Variants in THSD4 observed in about 807,000 individuals in gnomAD.
The protein encoded by THSD4 is thrombospondin type 1 domain containing 4.
Under a neutral mutation model 119.0 loss-of-function variants are expected in THSD4, and 69 were observed. That is an observed-to-expected ratio of 0.58 (90% CI 0.48 to 0.71). The LOEUF (loss-of-function observed/expected upper bound fraction) is 0.71, where lower values mean the gene tolerates loss of function less well. Among genes scored for constraint, THSD4 ranks in the 30% least tolerant of loss-of-function variants. The pLI is 0.00. For synonymous variants in THSD4, 524 were observed against 540.4 expected, an observed-to-expected ratio of 0.97 and a Z score of 0.42; for missense variants, 1,393 against 1,391.1, an observed-to-expected ratio of 1.00 and a Z score of -0.02.
chr15:71,654,695 T>G (rs890174952), intron 7 of THSD4, among the ~76,000 whole-genome samples: 10 of 152,246 alleles, frequency 6.6e-5, no homozygotes, highest in Admixed American at 5.9e-4. Context: ...TTTCCACGAA[T>G]TAGCTCACCG....
At chr15:71,149,992 C>A (rs2040704209) in intron 2 of THSD4, among the ~76,000 whole-genome samples, 1 of 147,300 alleles carries the variant, frequency 6.8e-6, no homozygotes, top group East Asian at 2.0e-4. Context: ...GATGGCATAA[C>A]TTTTTTTTTT....
intron 4 of THSD4, among the ~76,000 whole-genome samples, chr15:71,228,662 A>C (rs184239847): frequency 3.9e-5 from 6 of 152,316 alleles, no homozygotes; most frequent in African/African-American, 1.4e-4. Flanking sequence ...AGTAGGCTGC[A>C]GAGCAGGGAT....
intron 7 of THSD4, among the ~76,000 whole-genome samples, chr15:71,593,143 G>GAAACCCTCATGGGTGACCTTTTAAAA (rs1431398435): frequency 9.9e-4 from 6 of 6,066 alleles, no homozygotes; most frequent in Non-Finnish European, 3.4e-3. Context: ...AGAGCCTGTA[G>GAAACCCTCATGGGTGACCTTTTAAAA]GCCGGGCGCG....
intron 6 of THSD4, among the ~76,000 whole-genome samples, chr15:71,277,713 T>C (rs2044608754): frequency 6.6e-6 from 1 of 152,200 alleles, no homozygotes; most frequent in South Asian, 2.1e-4. Context: ...GGGAGACATT[T>C]CTGGGTTTTT....
At chr15:71,115,370 GT>G (rs2040348511), upstream of THSD4, 2 of 152,434 alleles carry the variant, frequency 1.3e-5, no homozygotes, top group African/African-American at 4.8e-5. This position sits in a 1 kb window ranked among gnomAD's most constrained non-coding sequence, Gnocchi z 4.4. Context: ...CCTTCCCGCG[GT>G]CGCCGCCAGG....
At chr15:71,621,360 A>T (rs1039173156) in intron 7 of THSD4, among the ~76,000 whole-genome samples, 4 of 152,174 alleles carry the variant, frequency 2.6e-5, no homozygotes, top group Non-Finnish European at 5.9e-5. Context: ...AGTTGCTAGG[A>T]CAGTTGTCCC....
chr15:71,595,664 A>G (rs1017783452), intron 7 of THSD4, among the ~76,000 whole-genome samples: 1 of 152,218 alleles, frequency 6.6e-6, no homozygotes, highest in Non-Finnish European at 1.5e-5. Flanking sequence ...ATGCAAGTCC[A>G]GGGGATGCAG....
intron 7 of THSD4, among the ~76,000 whole-genome samples, chr15:71,585,333 T>C (rs1370156555): frequency 1.3e-5 from 2 of 152,244 alleles, no homozygotes; most frequent in African/African-American, 4.8e-5. Context: ...AGGACAATTT[T>C]AGCAGATATA....
At chr15:71,635,695 A>AT (rs2050726047) in intron 7 of THSD4, among the ~76,000 whole-genome samples, 1 of 152,094 alleles carries the variant, frequency 6.6e-6, no homozygotes, top group Admixed American at 6.6e-5. Flanking sequence ...TCAAATACTA[A>AT]TTTTCTCCCA....
chr15:71,328,232 G>T (rs1392896197), intron 6 of THSD4, among the ~76,000 whole-genome samples: 2 of 152,122 alleles, frequency 1.3e-5, no homozygotes. Context: ...CAAGCCTTCC[G>T]TGTGAATGAT....
At chr15:71,365,496 T>C (rs2045949883) in intron 6 of THSD4, among the ~76,000 whole-genome samples, 1 of 152,034 alleles carries the variant, frequency 6.6e-6, no homozygotes, top group Non-Finnish European at 1.5e-5. Context: ...CTCCCAAAAA[T>C]AGCCATAAAC....
In THSD4 at chr15:71,195,767, G is replaced by A. The variant is rs142226933; in HGVS notation, c.100-19268G>A. Among the ~76,000 whole-genome samples, 1,240 of 152,242 alleles carry A rather than the reference G, an allele frequency of 8.1e-3. 13 individuals carry two copies. Among genetic ancestry groups the A allele is most frequent in the Non-Finnish European group, 0.012 (824 of 68,004 alleles). On this transcript the variant is annotated intron_variant, in intron 3 of 17. Coordinates refer to ENST00000261862, the MANE Select transcript of THSD4 (RefSeq NM_024817.3). ...GGGGTTGGGGGAAAGACTGGTGGCAGGGAGACCACCTGGGAGTCATAATAA... is the reference window on the plus strand; with the variant it reads ...GGGGTTGGGGGAAAGACTGGTGGCAAGGAGACCACCTGGGAGTCATAATAA...
chr15:71,133,987 G>C (rs778563337), intron 1 of THSD4, among the ~76,000 whole-genome samples: 18 of 152,216 alleles, frequency 1.2e-4, no homozygotes, highest in Non-Finnish European at 2.1e-4. Flanking sequence ...TAATGTGTTT[G>C]CTTGAAAGCT....
At chr15:71,308,876 A>G (rs1280309909) in intron 6 of THSD4, among the ~76,000 whole-genome samples, 1 of 152,166 alleles carries the variant, frequency 6.6e-6, no homozygotes, top group African/African-American at 2.4e-5. Context: ...GAGGGTTCCA[A>G]GTTTTCCACA....
intron 11 of THSD4, among the ~76,000 whole-genome samples, chr15:71,738,748 T>C (rs1042033704): frequency 4.6e-5 from 7 of 152,246 alleles, no homozygotes; most frequent in African/African-American, 1.7e-4. Flanking sequence ...GGGTTTTTAC[T>C]GGGGTCTCTC....
chr15:71,740,818 C>G (rs1367412457), intron 11 of THSD4, among the ~76,000 whole-genome samples: 1 of 152,180 alleles, frequency 6.6e-6, no homozygotes, highest in African/African-American at 2.4e-5. Flanking sequence ...AAGTCCTGCT[C>G]GTACTCCAAG....
chr15:71,103,287 C>G (rs1033493265), intron 1 of THSD4, among the ~76,000 whole-genome samples: 61 of 152,122 alleles, frequency 4.0e-4, no homozygotes, highest in African/African-American at 1.4e-3. Context: ...GTGTGTGCCA[C>G]CCAGTGGCCA....
chr15:71,450,475 C>T (rs977283236), intron 7 of THSD4, among the ~76,000 whole-genome samples: 2 of 152,212 alleles, frequency 1.3e-5, no homozygotes, highest in Non-Finnish European at 2.9e-5. Context: ...CATCCAGCTT[C>T]TATCACTTAC....
At position 71,738,767 on chromosome 15, in the gene THSD4, A is replaced by G. The variant is rs144817254; in HGVS notation, c.1906+760A>G. ...TTTTACTGGGGTCTCTCGTCTAGGT[A>G]TGCAGCTCCCACATGAGTGACACTA... On this transcript the variant is annotated intron_variant, in intron 11 of 17. Transcript: ENST00000261862. 1.8e-3 allele frequency among the ~76,000 whole-genome samples: 280 copies of G among 152,166 alleles called. 1 individual carries two copies. The highest frequency in any genetic ancestry group is 5.4e-3 in the African/African-American group (226 of 41,540).
Sources: gnomAD v4.1 joint callset for allele counts (sites outside exome capture counted in the v4.1 genomes callset) on GRCh38, gnomAD v4.1.1 for gene constraint, Gnocchi (gnomAD v3.1) non-coding constraint, MANE v1.5 for transcripts, NCBI Gene and HGNC (gene_info 2026-07-23, HGNC 2026-07-21) for gene names.